NCMAP: variants seen among roughly 807,000 people sequenced by gnomAD.
NCMAP encodes the protein non-compact myelin associated protein, also known as noncompact myelin-associated protein.
In NCMAP, 8 loss-of-function variants were observed where a neutral mutation model predicts 7.8. The observed-to-expected ratio is 1.02, with a 90% confidence interval of 0.60 to 1.84. The LOEUF is 1.84. NCMAP is among the 40% of genes most tolerant of loss of function. The pLI is 0.00. For missense variants in NCMAP, 112 were observed against 131.4 expected (o/e 0.85, Z 0.72); for synonymous variants, 41 against 52.9 (o/e 0.78, Z 0.98).
chr1:24,598,177 C>T (rs563543907), intron 2 of NCMAP, among the ~76,000 whole-genome samples: 5 of 152,332 alleles, frequency 3.3e-5, no homozygotes. Flanking sequence ...TGCTTCTTCC[C>T]TTCCAGTGTT....
chr1:24,596,579 G>C lies in NCMAP; in HGVS notation c.82+1067G>C, dbSNP rs111839571. Among the ~76,000 whole-genome samples, 997 of 151,656 alleles carry C rather than the reference G, an allele frequency of 6.6e-3. 10 individuals carry two copies. Among genetic ancestry groups the C allele is most frequent in the African/African-American group, 0.021 (887 of 41,366 alleles). ...CGCTCCTGGAGTCCCAGCTACACGGGGGGTGCTGAGGCAGGAGGATCGCTT... is the reference window on the plus strand; with the variant it reads ...CGCTCCTGGAGTCCCAGCTACACGGCGGGTGCTGAGGCAGGAGGATCGCTT... On this transcript the variant is annotated intron_variant, in intron 2 of 3. Coordinates refer to ENST00000374392, the MANE Select transcript of NCMAP (RefSeq NM_001010980.5).
At chr1:24,559,883 C>T (rs1474978858) in intron 1 of NCMAP, among the ~76,000 whole-genome samples, 1 of 152,212 alleles carries the variant, frequency 6.6e-6, no homozygotes, top group South Asian at 2.1e-4. Context: ...AATTTGTGGC[C>T]GGGCGCGGTG....
At chr1:24,564,797 C>A (rs1310623172) in intron 1 of NCMAP, among the ~76,000 whole-genome samples, 1 of 151,866 alleles carries the variant, frequency 6.6e-6, no homozygotes, top group South Asian at 2.1e-4. Flanking sequence ...TAACAGATGG[C>A]GTACAGAGGA....
intron 3 of NCMAP, 124 bp downstream of exon 3, chr1:24,601,148 T>G: frequency 1.3e-6 from 1 of 740,924 alleles, no homozygotes; most frequent in Non-Finnish European, 2.3e-6. Flanking sequence ...TAGTAAATGC[T>G]CTAACCCTTG....
chr1:24,605,350 C>T, intron 3 of NCMAP, among the ~76,000 whole-genome samples: 1 of 152,160 alleles, frequency 6.6e-6, no homozygotes, highest in South Asian at 2.1e-4. Flanking sequence ...TATATAGCCA[C>T]CTCTGACATC....
intron 1 of NCMAP, among the ~76,000 whole-genome samples, chr1:24,556,903 C>A (rs540408904): frequency 1.3e-5 from 2 of 152,082 alleles, no homozygotes; most frequent in East Asian, 3.9e-4. Context: ...GTTAGGGCAG[C>A]GCTTTGGAGT....
chr1:24,583,540 C>A (rs914596904), intron 1 of NCMAP, among the ~76,000 whole-genome samples: 1 of 152,040 alleles, frequency 6.6e-6, no homozygotes, highest in African/African-American at 2.4e-5. Flanking sequence ...ATGGGTGAAA[C>A]CCCATCTCTA....
chr1:24,576,053 G>T lies in NCMAP; in HGVS notation c.-7-19371G>T, dbSNP rs919376704. On this transcript the variant is annotated intron_variant, in intron 1 of 3. Transcript: ENST00000374392. This position sits in a 1 kb window ranked among gnomAD's most constrained non-coding sequence, Gnocchi z 4.0. ...TCATCCTGATCCTCTCTGCACAGCCGCATTGCCCCGTCCAGAGCTTCTCCT... is the reference window on the plus strand; with the variant it reads ...TCATCCTGATCCTCTCTGCACAGCCTCATTGCCCCGTCCAGAGCTTCTCCT... Among the ~76,000 whole-genome samples, 1 of 151,750 alleles carries T rather than the reference G, an allele frequency of 6.6e-6. No homozygotes were observed. Among genetic ancestry groups the T allele is most frequent in the Non-Finnish European group, 1.5e-5 (1 of 67,952 alleles).
chr1:24,585,676 C>T (rs1651862750), intron 1 of NCMAP, among the ~76,000 whole-genome samples: 2 of 152,084 alleles, frequency 1.3e-5, no homozygotes, highest in South Asian at 2.1e-4. Flanking sequence ...CCTGGTCTTC[C>T]GAGTCTCAGG....
chr1:24,592,855 C>T (rs1281169696), intron 1 of NCMAP, among the ~76,000 whole-genome samples: 6 of 151,844 alleles, frequency 4.0e-5, no homozygotes, highest in African/African-American at 1.5e-4. Context: ...GGAGGCGGAG[C>T]TTGCAGTGAG....
intron 1 of NCMAP, among the ~76,000 whole-genome samples, chr1:24,569,272 G>T (rs368753062): frequency 7.9e-5 from 12 of 151,546 alleles, no homozygotes; most frequent in East Asian, 7.7e-4. Flanking sequence ...GGGATTACAG[G>T]CATGAGCCAC....
intron 3 of NCMAP, among the ~76,000 whole-genome samples, chr1:24,601,375 T>A (rs1212488003): frequency 6.6e-6 from 1 of 152,198 alleles, no homozygotes; most frequent in African/African-American, 2.4e-5. Flanking sequence ...GCCACATAAG[T>A]ATTTGAGATG....
Position 24,605,654 on chromosome 1 carries a change from C to A in NCMAP, c.216C>A (p.Thr72=). ...RELEPKGPKP[T]APSAVGPNSN... ...TAGAGCCCAAGGGCCCCAAGCCAACCGCCCCTTCTGCCGTGGGCCCAAACA... is the reference window on the plus strand; with the variant it reads ...TAGAGCCCAAGGGCCCCAAGCCAACAGCCCCTTCTGCCGTGGGCCCAAACA... The change falls in exon 4 of 4, where the codon ACC becomes ACA. Residue 72 remains threonine, a synonymous_variant. Transcript: ENST00000374392. The A allele has an allele frequency of 6.2e-7, 1 of 1,614,206 alleles. No homozygotes were observed. Among genetic ancestry groups the A allele is most frequent in the South Asian group, 1.1e-5 (1 of 91,088 alleles).
chr1:24,565,862 C>T (rs933932337), intron 1 of NCMAP, among the ~76,000 whole-genome samples: 1 of 152,062 alleles, frequency 6.6e-6, no homozygotes, highest in African/African-American at 2.4e-5. Context: ...GAATCATAGT[C>T]CCCTTAATCC....
At chr1:24,597,617 GAGAA>G (rs71032831) in intron 2 of NCMAP, among the ~76,000 whole-genome samples, 8,656 of 87,186 alleles carry the variant, frequency 0.099, 512 homozygotes, top group African/African-American at 0.12. Flanking sequence ...AAGAAAGAAA[GAGAA>G]AGAAAGAAAG....
chr1:24,596,788 G>A (rs1026898241), intron 2 of NCMAP, among the ~76,000 whole-genome samples: 8 of 152,216 alleles, frequency 5.3e-5, no homozygotes, highest in Admixed American at 1.3e-4. Context: ...GAATGTAGGC[G>A]GGAAGAGTGA....
intron 1 of NCMAP, among the ~76,000 whole-genome samples, chr1:24,560,492 C>T (rs1045887151): frequency 1.9e-4 from 29 of 152,170 alleles, no homozygotes; most frequent in African/African-American, 4.8e-4. Context: ...AATGTGGGCC[C>T]GGGGTGTTGG....
chr1:24,606,996 C>CTT lies in NCMAP; in HGVS notation c.*1264_*1265dup, dbSNP rs200666100. 6.1e-4 allele frequency: 77 copies of CTT among 126,338 alleles called. No homozygotes were observed. The highest frequency in any genetic ancestry group is 3.7e-3 in the Middle Eastern group (1 of 270). The allele number at this position is 126,338 out of a possible 1,614,324, so 7.8% of individuals were successfully genotyped here. On this transcript the variant is annotated 3_prime_UTR_variant, in exon 4 of 4. Coordinates refer to ENST00000374392, the MANE Select transcript of NCMAP (RefSeq NM_001010980.5). ...TTCTTTTTCTTTTCTTTTTTCTTTTCTTTTTTTTTTTTTTTTGAGACAGAG... is the reference window on the plus strand; with the variant it reads ...TTCTTTTTCTTTTCTTTTTTCTTTTCTTTTTTTTTTTTTTTTTTGAGACAGAG...
In NCMAP at chr1:24,608,252, T is replaced by C. The variant is rs564807920; in HGVS notation, c.*2505T>C. On this transcript the variant is annotated 3_prime_UTR_variant, in exon 4 of 4. Coordinates refer to ENST00000374392, the MANE Select transcript of NCMAP (RefSeq NM_001010980.5). ...CCAGGTCTCTTGACTCCAAAGTCTG[T>C]CTTTTTTGTGAAGTCACACTCCTCT... 2 of 152,332 alleles carry C rather than the reference T, an allele frequency of 1.3e-5. No homozygotes were observed. The highest frequency in any genetic ancestry group is 4.1e-4 in the South Asian group (2 of 4,828). 9.4% of individuals were successfully genotyped at this position (152,332 alleles called of 1,614,324 possible). A position where few individuals can be genotyped will look rare whatever the true frequency, so the allele number is the denominator to read the frequency against.
Sources: allele counts gnomAD v4.1 joint callset (sites outside exome capture counted in the v4.1 genomes callset), GRCh38; gene constraint gnomAD v4.1.1; non-coding constraint Gnocchi (gnomAD v3.1); transcripts MANE v1.5; gene names NCBI Gene and HGNC (gene_info 2026-07-23, HGNC 2026-07-21).